Variants in OXR1 observed in about 807,000 individuals in gnomAD.
OXR1 encodes the protein oxidation resistance protein 1.
A neutral mutation model predicts 104.6 loss-of-function variants in OXR1; 41 were observed. The observed-to-expected ratio is 0.39, with a 90% CI of 0.31 to 0.51. The LOEUF is 0.51. Ranked by LOEUF, OXR1 falls within the 20% of genes least tolerant of loss-of-function variation. The pLI is 0.77. For missense variants in OXR1, 955 were observed against 1,031.9 expected (o/e 0.93, Z 1.02); for synonymous variants, 348 against 348.4 (o/e 1.00, Z 0.01).
At chr8:106,346,104 C>A (rs561528631) in intron 1 of OXR1, among the ~76,000 whole-genome samples, 5 of 150,688 alleles carry the variant, frequency 3.3e-5, no homozygotes, top group East Asian at 2.0e-4. Flanking sequence ...TTCCACCCCC[C>A]CTACCGCCGC....
chr8:106,717,667 A>T (rs1481093725), intron 11 of OXR1, among the ~76,000 whole-genome samples: 2 of 152,172 alleles, frequency 1.3e-5, no homozygotes, highest in African/African-American at 4.8e-5. Flanking sequence ...ATACACTATT[A>T]TATCTTCAGA....
rs1018417689 is a variant in OXR1, at chr8:106,564,052, G to A, written c.220+44913G>A. On this transcript the variant is annotated intron_variant, in intron 3 of 16. Coordinates refer to ENST00000517566, the MANE Select transcript of OXR1 (RefSeq NM_001198533.2). Reference sequence around the variant, plus strand: ...GAGAAAGCAGGAAAGACATTGAATCGACATCCTAAGATCACAATTAAAAAA... The same window carrying A: ...GAGAAAGCAGGAAAGACATTGAATCAACATCCTAAGATCACAATTAAAAAA... 3.3e-5 allele frequency among the ~76,000 whole-genome samples: 5 copies of A among 152,056 alleles called. No individual in the cohort carries two copies. In the East Asian group the frequency reaches 7.7e-4, roughly 24 times the overall value.
chr8:106,697,474 C>A lies in OXR1; in HGVS notation c.675+4597C>A, dbSNP rs903543424. On this transcript the variant is annotated intron_variant, in intron 7 of 16. Transcript: ENST00000517566. Reference sequence around the variant, plus strand: ...TAGCCAGTCATGCCTGCCTGAGATGCCCCCCATCTGTAGCCCGATCACGTT... The same window carrying A: ...TAGCCAGTCATGCCTGCCTGAGATGACCCCCATCTGTAGCCCGATCACGTT... 5.0e-6 allele frequency: 8 copies of A among 1,596,436 alleles called. No homozygotes were observed. In the African/African-American group the frequency reaches 1.1e-4, roughly 21 times the overall value.
intron 6 of OXR1, among the ~76,000 whole-genome samples, chr8:106,687,338 A>T (rs1344000331): frequency 6.6e-6 from 1 of 152,110 alleles, no homozygotes; most frequent in Non-Finnish European, 1.5e-5. Flanking sequence ...CTCTTTAGGG[A>T]TAGAGGAGTC....
chr8:106,508,575 AT>A (rs1231736480), intron 2 of OXR1, among the ~76,000 whole-genome samples: 1 of 152,248 alleles, frequency 6.6e-6, no homozygotes, highest in Non-Finnish European at 1.5e-5. Flanking sequence ...CAACAATGTA[AT>A]CAGTAATGCA....
chr8:106,385,506 G>A (rs182422454), intron 2 of OXR1, among the ~76,000 whole-genome samples: 18 of 152,226 alleles, frequency 1.2e-4, no homozygotes, highest in Non-Finnish European at 2.2e-4. Flanking sequence ...TAACTAACAT[G>A]TGTTGAACAC....
chr8:106,379,886 G>A (rs1033021116), intron 2 of OXR1, among the ~76,000 whole-genome samples: 15 of 151,928 alleles, frequency 9.9e-5, no homozygotes, highest in African/African-American at 3.6e-4. Flanking sequence ...AAAGGAATGT[G>A]TATCCCTGCC....
intron 3 of OXR1, among the ~76,000 whole-genome samples, chr8:106,662,277 A>T (rs1458627346): frequency 1.3e-5 from 2 of 152,224 alleles, no homozygotes; most frequent in Admixed American, 6.5e-5. Flanking sequence ...TTGATGAAAA[A>T]TGAAGTTAAG....
intron 2 of OXR1, among the ~76,000 whole-genome samples, chr8:106,515,068 C>T (rs1176471636): frequency 6.6e-6 from 1 of 152,042 alleles, no homozygotes; most frequent in Non-Finnish European, 1.5e-5. Context: ...TCAGGTTCAA[C>T]ATAATACTGT....
intron 9 of OXR1, among the ~76,000 whole-genome samples, chr8:106,709,268 C>CT (rs1205263895): frequency 5.9e-5 from 9 of 151,956 alleles, no homozygotes; most frequent in Non-Finnish European, 1.2e-4. Flanking sequence ...TTGTATCCTG[C>CT]TTTTTTATGT....
chr8:106,726,416 A>G, intron 11 of OXR1: 1 of 617,408 alleles, frequency 1.6e-6, no homozygotes, highest in Non-Finnish European at 2.6e-6. Flanking sequence ...GGATATTTAT[A>G]GAATACAAAA....
chr8:106,537,597 G>T (rs1400092765), intron 3 of OXR1, among the ~76,000 whole-genome samples: 2 of 152,042 alleles, frequency 1.3e-5, no homozygotes, highest in African/African-American at 4.8e-5. Flanking sequence ...CAAGTTGATG[G>T]GTGCAGCAAA....
intron 2 of OXR1, chr8:106,447,831 T>G: frequency 1.5e-6 from 2 of 1,338,394 alleles, no homozygotes; most frequent in African/African-American, 1.5e-5. Context: ...GCTTGCTGTG[T>G]GGGATTTGGG....
At chr8:106,316,641 T>C (rs936710383) in intron 1 of OXR1, among the ~76,000 whole-genome samples, 29 of 152,088 alleles carry the variant, frequency 1.9e-4, no homozygotes, top group Admixed American at 3.3e-4. Flanking sequence ...AAGTAAAACA[T>C]TGGGCTAGGA....
Position 106,339,594 on chromosome 8 carries a change from T to A in OXR1, c.-138-19882T>A, listed in dbSNP as rs1187327207. On this transcript the variant is annotated intron_variant, in intron 1 of 16. Coordinates refer to ENST00000517566, the MANE Select transcript of OXR1 (RefSeq NM_001198533.2). ...AGATAAAATAGATACTCAATAATCA[T>A]TATAGAGACTAGCATGCACTGCTAT... 1.1e-4 allele frequency among the ~76,000 whole-genome samples: 15 copies of A among 137,792 alleles called. No homozygotes were observed. The Admixed American group carries it at 1.1e-3, about 10-fold the overall frequency. 90.4% of individuals were successfully genotyped at this position (137,792 alleles called of 152,430 possible).
At chr8:106,621,571 G>GATTGA (rs1271388690) in intron 3 of OXR1, among the ~76,000 whole-genome samples, 2 of 150,950 alleles carry the variant, frequency 1.3e-5, no homozygotes, top group Non-Finnish European at 2.9e-5. Flanking sequence ...ATACTTCAAT[G>GATTGA]GCACTTGAAA....
intron 4 of OXR1, among the ~76,000 whole-genome samples, chr8:106,681,803 G>T (rs937010399): frequency 6.6e-6 from 1 of 152,142 alleles, no homozygotes; most frequent in Non-Finnish European, 1.5e-5. Context: ...GGAATTACAG[G>T]CATGACCCAC....
At position 106,698,463 on chromosome 8, in the gene OXR1, T is replaced by A. The variant is rs537435008; in HGVS notation, c.676-4443T>A. On this transcript the variant is annotated intron_variant, in intron 7 of 16. Transcript: ENST00000517566. ...AAATTTGGAAAATATTTGACCAGAT[T>A]TCTTCCAATATTTTTTGCCTCCCAT... Among the ~76,000 whole-genome samples, 3 of 152,308 alleles carry A rather than the reference T, an allele frequency of 2.0e-5. No individual in the cohort carries two copies. In the South Asian group the frequency reaches 6.2e-4, roughly 32 times the overall value.
intron 7 of OXR1, chr8:106,697,430 G>T (rs753202603): frequency 8.2e-5 from 124 of 1,511,222 alleles, no homozygotes; most frequent in Non-Finnish European, 1.1e-4. Flanking sequence ...GGGATCAAAG[G>T]ATCTGGTGTG....
Sources: gnomAD v4.1 joint callset for allele counts (sites outside exome capture counted in the v4.1 genomes callset) on GRCh38, gnomAD v4.1.1 for gene constraint, MANE v1.5 for transcripts, NCBI Gene and HGNC (gene_info 2026-07-23, HGNC 2026-07-21) for gene names.